The following TDRD9 variants were observed in gnomAD, a reference collection of about 807,000 sequenced individuals.
The protein encoded by TDRD9 is tudor domain containing 9, also known as ATP-dependent RNA helicase TDRD9.
A neutral mutation model predicts 172.6 loss-of-function variants in TDRD9; 124 were observed. The observed-to-expected ratio is 0.72, with a 90% CI of 0.62 to 0.83. The LOEUF (loss-of-function observed/expected upper bound fraction) is 0.83. Ranked by LOEUF, TDRD9 falls within the 40% of genes least tolerant of loss-of-function variation. The probability of loss-of-function intolerance (pLI) is 0.00; values close to 1 mark genes in which losing one functional copy is unlikely to be tolerated. For missense variants in TDRD9, 1,479 were observed against 1,714.1 expected (o/e 0.86, Z 2.42); for synonymous variants, 619 against 617.1 (o/e 1.00, Z -0.05).
At chr14:103,948,276 C>T (rs2031678937) in intron 1 of TDRD9, among the ~76,000 whole-genome samples, 1 of 151,976 alleles carries the variant, frequency 6.6e-6, no homozygotes, top group Non-Finnish European at 1.5e-5. Flanking sequence ...CTTCACCTCC[C>T]AAAGTGCTGG....
chr14:103,930,445 G>A (rs1032825042), intron 1 of TDRD9, among the ~76,000 whole-genome samples: 6 of 152,146 alleles, frequency 3.9e-5, no homozygotes, highest in African/African-American at 1.4e-4. Flanking sequence ...CAAAGTGCTG[G>A]GATTCCAGGT....
intron 1 of TDRD9, among the ~76,000 whole-genome samples, chr14:103,932,377 A>AT (rs2152113422): frequency 1.3e-5 from 2 of 152,238 alleles, no homozygotes; most frequent in Non-Finnish European, 2.9e-5. Context: ...AACATTTGAC[A>AT]TAGGGGAGGG....
At chr14:103,991,461 G>A (rs977005526) in intron 9 of TDRD9, among the ~76,000 whole-genome samples, 1 of 151,600 alleles carries the variant, frequency 6.6e-6, no homozygotes, top group Non-Finnish European at 1.5e-5. Context: ...TTGCTAGGCT[G>A]GAGTGCAGTG....
chr14:103,940,545 G>T, intron 1 of TDRD9: 1 of 319,318 alleles, frequency 3.1e-6, no homozygotes, highest in Non-Finnish European at 5.7e-6. Context: ...TTTAGTTCCT[G>T]TGAGGTGGGT....
chr14:103,999,642 G>GTCATTTAATCTTTT, intron 13 of TDRD9, among the ~76,000 whole-genome samples: 1 of 125,952 alleles, frequency 7.9e-6, no homozygotes, highest in Non-Finnish European at 1.7e-5. Flanking sequence ...TTGTTTTTTA[G>GTCATTTAATCTTTT]AAAACCTTTT....
At chr14:104,026,561 G>T in intron 27 of TDRD9, 118 bp from the exon 28 acceptor site, 1 of 1,232,048 alleles carries the variant, frequency 8.1e-7, no homozygotes, top group Non-Finnish European at 1.1e-6. Flanking sequence ...AGTTTTATTG[G>T]GACTTTTATG....
chr14:104,011,953 A>G (rs2034625758), intron 20 of TDRD9, among the ~76,000 whole-genome samples: 1 of 152,108 alleles, frequency 6.6e-6, no homozygotes, highest in Non-Finnish European at 1.5e-5. Context: ...TGGAGAGACC[A>G]GGTGCAGGCT....
At chr14:103,963,215 A>G in intron 3 of TDRD9, 39 bp downstream of exon 3, 3 of 1,413,322 alleles carry the variant, frequency 2.1e-6, no homozygotes, top group Non-Finnish European at 1.9e-6. Context: ...TGCTGTTTGA[A>G]TACATGTCTG....
chr14:104,048,007 C>T (rs2035831559), intron 34 of TDRD9, among the ~76,000 whole-genome samples: 1 of 152,202 alleles, frequency 6.6e-6, no homozygotes. Flanking sequence ...CCTCTACTGG[C>T]TGCTCTTCTG....
intron 2 of TDRD9, among the ~76,000 whole-genome samples, chr14:103,959,678 A>G (rs2032417785): frequency 6.6e-6 from 1 of 152,174 alleles, no homozygotes; most frequent in Non-Finnish European, 1.5e-5. Flanking sequence ...GTGTTATTTC[A>G]CTTATAAGTA....
At chr14:103,983,023 GC>G (rs1324580822) in intron 7 of TDRD9, among the ~76,000 whole-genome samples, 1 of 149,100 alleles carries the variant, frequency 6.7e-6, no homozygotes, top group Non-Finnish European at 1.5e-5. Context: ...AGTAGAGCAT[GC>G]CCCCCGCCCC....
Position 103,938,442 on chromosome 14 carries a change from T to A in TDRD9, c.215+9718T>A, listed in dbSNP as rs866870442. The stretch of plus-strand genomic sequence containing the variant: ...TATATATATATATATATATATATAT[T>A]TTTTTTTTTTTTTTGAGATGGTGTC... On this transcript the variant is annotated intron_variant, in intron 1 of 35. Coordinates refer to ENST00000409874, the MANE Select transcript of TDRD9 (RefSeq NM_153046.3). Among the ~76,000 whole-genome samples the A allele has an allele frequency of 3.8e-3, 389 of 102,386 alleles. 1 individual carries two copies. The highest frequency in any genetic ancestry group is 0.014 in the African/African-American group (372 of 26,236). 67.2% of individuals were successfully genotyped at this position (102,386 alleles called of 152,430 possible).
intron 7 of TDRD9, among the ~76,000 whole-genome samples, chr14:103,983,578 C>A (rs757705295): frequency 6.6e-6 from 1 of 152,086 alleles, no homozygotes; most frequent in East Asian, 1.9e-4. Context: ...GTGAAAAAAA[C>A]CCAGTATCGC....
At chr14:104,001,852 C>T (rs2034270603) in intron 13 of TDRD9, among the ~76,000 whole-genome samples, 1 of 152,074 alleles carries the variant, frequency 6.6e-6, no homozygotes, top group Non-Finnish European at 1.5e-5. Flanking sequence ...CGTGATCTGC[C>T]TGCCTAGGCT....
rs745701790 is a variant in TDRD9 at position 104,026,664 on chromosome 14, C to A, written c.3022-15C>A. 11 of 1,612,986 alleles carry A rather than the reference C, an allele frequency of 6.8e-6. No homozygotes were observed. The South Asian group carries it at 1.2e-4, about 18-fold the overall frequency. On this transcript the variant is annotated splice_polypyrimidine_tract_variant and intron_variant, in intron 27 of 35. Transcript: ENST00000409874. ...TTTATAAAGCTGTTTGAGCTGTGCC[C>A]TTCTGTCCTTGTAGGCTTTGGAATT...
chr14:104,017,276 C>T (rs1041634905), intron 22 of TDRD9, among the ~76,000 whole-genome samples: 10 of 151,958 alleles, frequency 6.6e-5, no homozygotes, highest in African/African-American at 1.9e-4. Context: ...CTAGTGTGTA[C>T]ATCATAAAAG....
chr14:104,049,863 A>G, intron 35 of TDRD9, 183 bp downstream of exon 35: 2 of 570,890 alleles, frequency 3.5e-6, no homozygotes, highest in South Asian at 2.5e-5. Context: ...GTTTCTGCAC[A>G]GTGTCTTCTA....
chr14:104,016,252 A>T (rs959856942), intron 22 of TDRD9, among the ~76,000 whole-genome samples, 164 bp downstream of exon 22: 2 of 152,070 alleles, frequency 1.3e-5, no homozygotes, highest in Non-Finnish European at 2.9e-5. Context: ...TGGCCTTTTC[A>T]TGTGTATCTA....
intron 20 of TDRD9, among the ~76,000 whole-genome samples, chr14:104,014,247 AAAAG>A (rs201290483): frequency 0.32 from 47,961 of 148,158 alleles, 7,984 homozygotes; most frequent in Middle Eastern, 0.37. Context: ...AAAAAAAAAA[AAAAG>A]ATAATAATAA....
Sources: gnomAD v4.1 joint callset for allele counts (sites outside exome capture counted in the v4.1 genomes callset) on GRCh38, gnomAD v4.1.1 for gene constraint, MANE v1.5 for transcripts, NCBI Gene and HGNC (gene_info 2026-07-23, HGNC 2026-07-21) for gene names.